DCUN1D3: variants seen among roughly 807,000 people sequenced by gnomAD.
The protein encoded by DCUN1D3 is DCN1-like protein 3.
A neutral mutation model predicts 24.8 loss-of-function variants in DCUN1D3; 6 were observed. That is an observed-to-expected ratio of 0.24 (90% CI 0.13 to 0.48). DCUN1D3 has a LOEUF of 0.48. DCUN1D3 is among the 20% of genes least tolerant of loss of function. The pLI is 0.99. For synonymous variants in DCUN1D3, 120 were observed against 144.9 expected (o/e 0.83, Z 1.24); for missense variants, 258 against 379.4 (o/e 0.68, Z 2.66).
In DCUN1D3 at chr16:20,855,606, T is replaced by G. The variant is rs1181498701; in HGVS notation, c.*4280A>C. 6.6e-6 allele frequency: 1 copy of G among 152,190 alleles called. No homozygotes were observed. The highest frequency in any genetic ancestry group is 2.4e-5 in the African/African-American group (1 of 41,446). The allele number at this position is 152,190 out of a possible 1,614,324, so 9.4% of individuals were successfully genotyped here. A position where few individuals can be genotyped will look rare whatever the true frequency, so the allele number is the denominator to read the frequency against. ...CAAAGCTATTTGAACTATTTTGGCTTCTGCAACCAGTGCTCAAGAATCTAT... is the reference window on the plus strand; with the variant it reads ...CAAAGCTATTTGAACTATTTTGGCTGCTGCAACCAGTGCTCAAGAATCTAT... On this transcript the variant is annotated 3_prime_UTR_variant, in exon 3 of 3. Transcript: ENST00000324344.
intron 1 of DCUN1D3, among the ~76,000 whole-genome samples, chr16:20,871,300 G>A (rs1012097606): frequency 1.3e-5 from 2 of 152,182 alleles, no homozygotes; most frequent in South Asian, 2.1e-4. Context: ...TCCAGTTAGG[G>A]TTGGGGAGGA....
intron 1 of DCUN1D3, among the ~76,000 whole-genome samples, chr16:20,866,423 AC>A (rs932818333): frequency 8.6e-5 from 13 of 151,982 alleles, no homozygotes; most frequent in Non-Finnish European, 1.6e-4. Flanking sequence ...CCTCCATCTG[AC>A]CCACCTACCC....
Position 20,860,082 on chromosome 16 carries a change from C to A in DCUN1D3, c.719G>T (p.Arg240Leu). The change falls in exon 3 of 3, where the codon CGG (arginine) becomes CTG (leucine). Residue 240 changes from arginine to leucine, a missense_variant. Arg to Leu is a moderately radical substitution (Grantham distance 102, BLOSUM62 -2). Transcript: ENST00000324344. The surrounding 1 kb of genome is among the most constrained non-coding windows in gnomAD (Gnocchi z 4.3). ...ENPSGIKGIS[R>L]DTWNMFLNFT... Reference sequence around the variant, plus strand: ...GTTAAGGAACATGTTCCAAGTGTCCCGGGAGATGCCCTTGATCCCCGAGGG... The same window carrying A: ...GTTAAGGAACATGTTCCAAGTGTCCAGGGAGATGCCCTTGATCCCCGAGGG... 6.2e-7 allele frequency: 1 copy of A among 1,614,204 alleles called. No homozygotes were observed. Among genetic ancestry groups the A allele is most frequent in the Non-Finnish European group, 8.5e-7 (1 of 1,180,044 alleles).
In DCUN1D3 at chr16:20,862,636, C is replaced by A. The variant is rs2081739602; in HGVS notation, c.-98G>T. The A allele has an allele frequency of 2.0e-6, 3 of 1,517,120 alleles. No homozygotes were observed. The highest frequency in any genetic ancestry group is 8.7e-7 in the Non-Finnish European group (1 of 1,143,716). 94.0% of individuals were successfully genotyped at this position (1,517,120 alleles called of 1,614,324 possible). A position where few individuals can be genotyped will look rare whatever the true frequency, so the allele number is the denominator to read the frequency against. On this transcript the variant is annotated 5_prime_UTR_variant, in exon 2 of 3. Coordinates refer to ENST00000324344, the MANE Select transcript of DCUN1D3 (RefSeq NM_173475.4). The stretch of plus-strand genomic sequence containing the variant: ...TCAACATGCCATCAGCCAGAGGAGC[C>A]AGCCAACCTGGAAGGAAATTAGAAA...
chr16:20,895,441 A>G (rs1294008902), intron 1 of DCUN1D3, among the ~76,000 whole-genome samples: 1 of 152,114 alleles, frequency 6.6e-6, no homozygotes, highest in South Asian at 2.1e-4. Flanking sequence ...ATTAGGCATT[A>G]TAAGTAATCT....
At chr16:20,869,060 G>A (rs1308587321) in intron 1 of DCUN1D3, 1 of 152,750 alleles carries the variant, frequency 6.5e-6, no homozygotes, top group East Asian at 1.9e-4. Flanking sequence ...CGCTGTTCCT[G>A]GGGATGGGCT....
intron 1 of DCUN1D3, among the ~76,000 whole-genome samples, chr16:20,877,259 G>GA (rs893867836): frequency 4.7e-5 from 7 of 147,738 alleles, no homozygotes; most frequent in East Asian, 2.0e-4. Flanking sequence ...GTTCTGCGAT[G>GA]AAAAAAAAAA....
intron 1 of DCUN1D3, among the ~76,000 whole-genome samples, chr16:20,868,340 T>A (rs967172763): frequency 6.6e-6 from 1 of 152,198 alleles, no homozygotes; most frequent in Non-Finnish European, 1.5e-5. Context: ...TACAGGAAAC[T>A]AAACACAGAC....
chr16:20,888,625 T>C (rs2081877723), intron 1 of DCUN1D3, among the ~76,000 whole-genome samples: 1 of 152,146 alleles, frequency 6.6e-6, no homozygotes, highest in East Asian at 1.9e-4. Flanking sequence ...TGGCTAACTT[T>C]TGTATTTTCT....
chr16:20,882,439 T>C (rs1371131745), intron 1 of DCUN1D3, among the ~76,000 whole-genome samples: 1 of 151,434 alleles, frequency 6.6e-6, no homozygotes, highest in Admixed American at 6.6e-5. Flanking sequence ...TATATATATA[T>C]TTTTTAGTAG....
intron 2 of DCUN1D3, among the ~76,000 whole-genome samples, chr16:20,861,481 A>G (rs561788056): frequency 6.6e-6 from 1 of 152,268 alleles, no homozygotes; most frequent in South Asian, 2.1e-4. Context: ...CCCTCCCCAG[A>G]GGCACTTACT....
intron 2 of DCUN1D3, 131 bp downstream of exon 2, chr16:20,861,977 G>C (rs1156490386): frequency 1.1e-6 from 1 of 942,072 alleles, no homozygotes; most frequent in African/African-American, 1.7e-5. Context: ...TAGAGAACCT[G>C]ATCAGAAAAA....
At chr16:20,871,284 A>T (rs1276501761) in intron 1 of DCUN1D3, among the ~76,000 whole-genome samples, 4 of 152,230 alleles carry the variant, frequency 2.6e-5, no homozygotes, top group Non-Finnish European at 1.5e-5. Flanking sequence ...AACAAGCAAC[A>T]GCAGTTCCAG....
At chr16:20,866,236 T>C (rs183319423) in intron 1 of DCUN1D3, among the ~76,000 whole-genome samples, 4 of 152,146 alleles carry the variant, frequency 2.6e-5, no homozygotes, top group Admixed American at 1.3e-4. Context: ...GTTTCCAGAT[T>C]TGTGTTCCTA....
rs2081705601 is a variant in DCUN1D3 at position 20,856,967 on chromosome 16, G to A, written c.*2919C>T. 1 of 152,142 alleles carries A rather than the reference G, an allele frequency of 6.6e-6. No individual in the cohort carries two copies. The allele number at this position is 152,142 out of a possible 1,614,324, so 9.4% of individuals were successfully genotyped here. A position where few individuals can be genotyped will look rare whatever the true frequency, so the allele number is the denominator to read the frequency against. On this transcript the variant is annotated 3_prime_UTR_variant, in exon 3 of 3. Coordinates refer to ENST00000324344, the MANE Select transcript of DCUN1D3 (RefSeq NM_173475.4). ...CTGTTGCTAAGCAAGGAGTGTACTG[G>A]CTTATCTGAGGGGCATGCATTCAGC...
intron 1 of DCUN1D3, among the ~76,000 whole-genome samples, chr16:20,886,234 C>T (rs991196279): frequency 6.6e-6 from 1 of 152,172 alleles, no homozygotes; most frequent in African/African-American, 2.4e-5. Context: ...GTCTTTAAGT[C>T]CTGAAATCGG....
chr16:20,889,980 C>T (rs532392756), intron 1 of DCUN1D3, among the ~76,000 whole-genome samples: 18 of 152,144 alleles, frequency 1.2e-4, no homozygotes, highest in South Asian at 6.2e-4. Flanking sequence ...ATCAGAACTC[C>T]GAAACAATGA....
Position 20,860,609 on chromosome 16 carries a change from T to C in DCUN1D3, c.432-240A>G, listed in dbSNP as rs569490377. ...GCTTCTAACAGTGCCTGGCACACGG[T>C]TGGCAGCTGATAATGGTTCATTTAT... On this transcript the variant is annotated intron_variant, in intron 2 of 2. Coordinates refer to ENST00000324344, the MANE Select transcript of DCUN1D3 (RefSeq NM_173475.4). This position sits in a 1 kb window ranked among gnomAD's most constrained non-coding sequence, Gnocchi z 4.3. Among the ~76,000 whole-genome samples the C allele has an allele frequency of 3.3e-5, 5 of 152,220 alleles. No homozygotes were observed. Among genetic ancestry groups the C allele is most frequent in the African/African-American group, 9.6e-5 (4 of 41,462 alleles).
At chr16:20,864,294 G>T (rs549903998) in intron 1 of DCUN1D3, among the ~76,000 whole-genome samples, 1 of 151,950 alleles carries the variant, frequency 6.6e-6, no homozygotes, top group South Asian at 2.1e-4. Flanking sequence ...ATTTACAAGA[G>T]AAAAACAAAT....
Sources: allele counts gnomAD v4.1 joint callset (sites outside exome capture counted in the v4.1 genomes callset), GRCh38; gene constraint gnomAD v4.1.1; non-coding constraint Gnocchi (gnomAD v3.1); transcripts MANE v1.5; gene names NCBI Gene and HGNC (gene_info 2026-07-23, HGNC 2026-07-21).